Variants in OTUD7A observed in about 807,000 individuals in gnomAD.
OTUD7A encodes the protein OTU domain-containing protein 7A.
In OTUD7A, 12 loss-of-function variants were observed where a neutral mutation model predicts 65.7. The ratio of observed to expected loss-of-function variants is 0.18; its 90% confidence interval spans 0.12 to 0.30. The LOEUF (loss-of-function observed/expected upper bound fraction) is 0.30, where lower values mean the gene tolerates loss of function less well. Ranked by LOEUF, OTUD7A falls within the 10% of genes least tolerant of loss-of-function variation. The pLI is 1.00. For missense variants in OTUD7A, 1,148 were observed against 1,304.8 expected, an observed-to-expected ratio of 0.88 and a Z score of 1.85; for synonymous variants, 641 against 586.3, an observed-to-expected ratio of 1.09 and a Z score of -1.35.
chr15:31,666,413 T>C (rs1222064653), intron 1 of OTUD7A, among the ~76,000 whole-genome samples: 3 of 152,310 alleles, frequency 2.0e-5, no homozygotes, highest in Admixed American at 6.5e-5. Context: ...TGTAAAGGTG[T>C]TCATAGTAGC....
intron 1 of OTUD7A, among the ~76,000 whole-genome samples, chr15:31,866,140 C>T (rs1375108906): frequency 2.6e-5 from 4 of 152,212 alleles, no homozygotes; most frequent in African/African-American, 9.6e-5. Flanking sequence ...ATGTGAGATG[C>T]TGTAGAGCAG....
At chr15:31,524,922 A>G in intron 8 of OTUD7A, among the ~76,000 whole-genome samples, 1 of 152,218 alleles carries the variant, frequency 6.6e-6, no homozygotes, top group East Asian at 1.9e-4. Context: ...GCAGCAGGGT[A>G]CCAGACTGTG....
chr15:31,755,366 A>G (rs1027624265), intron 1 of OTUD7A, among the ~76,000 whole-genome samples: 1 of 152,158 alleles, frequency 6.6e-6, no homozygotes, highest in African/African-American at 2.4e-5. Context: ...TTTCCTGTCC[A>G]TTAGTATCAG....
At chr15:31,802,246 A>C (rs2140950216) in intron 1 of OTUD7A, among the ~76,000 whole-genome samples, 1 of 152,066 alleles carries the variant, frequency 6.6e-6, no homozygotes, top group African/African-American at 2.4e-5. Context: ...AGCCATTCTG[A>C]GTCCCAAAAC....
At chr15:31,661,540 T>C (rs1445487578) in intron 1 of OTUD7A, among the ~76,000 whole-genome samples, 2 of 152,258 alleles carry the variant, frequency 1.3e-5, no homozygotes, top group Non-Finnish European at 2.9e-5. Flanking sequence ...AATGTACCCA[T>C]GCCTCAGGCA....
chr15:31,588,221 A>AATACAGAGG (rs1280075754), intron 3 of OTUD7A, among the ~76,000 whole-genome samples: 10 of 152,224 alleles, frequency 6.6e-5, no homozygotes, highest in African/African-American at 2.4e-4. Flanking sequence ...TCCATACAAC[A>AATACAGAGG]ATACAGAGGA....
intron 1 of OTUD7A, chr15:31,767,857 C>A: frequency 9.3e-7 from 1 of 1,078,518 alleles, no homozygotes; most frequent in South Asian, 1.3e-5. Context: ...ATTCTGGATG[C>A]CTTCGTGGTA....
chr15:31,672,095 C>T (rs1283238371), intron 1 of OTUD7A, among the ~76,000 whole-genome samples: 2 of 152,040 alleles, frequency 1.3e-5, no homozygotes, highest in Non-Finnish European at 1.5e-5. Context: ...TATGTGTAAT[C>T]GTTGTCAGGC....
At chr15:31,842,802 G>A (rs1032767352) in intron 1 of OTUD7A, among the ~76,000 whole-genome samples, 1 of 152,130 alleles carries the variant, frequency 6.6e-6, no homozygotes, top group Admixed American at 6.5e-5. Flanking sequence ...TTAAGCCATA[G>A]TAGAACAGAA....
chr15:31,689,794 T>C (rs1327715908), intron 1 of OTUD7A, among the ~76,000 whole-genome samples: 1 of 152,160 alleles, frequency 6.6e-6, no homozygotes, highest in Non-Finnish European at 1.5e-5. Flanking sequence ...TCAGAGCCCC[T>C]AGAAGCTGAT....
chr15:31,843,807 G>C (rs541503424), intron 1 of OTUD7A, among the ~76,000 whole-genome samples: 2 of 152,284 alleles, frequency 1.3e-5, no homozygotes, highest in African/African-American at 4.8e-5. Flanking sequence ...CCTGTGGGCA[G>C]GTTCCAAGCC....
chr15:31,740,887 C>T (rs762265542), intron 1 of OTUD7A, among the ~76,000 whole-genome samples: 3 of 152,162 alleles, frequency 2.0e-5, no homozygotes, highest in East Asian at 3.9e-4. Context: ...ACTGGTGTAG[C>T]GACATTAATA....
intron 1 of OTUD7A, among the ~76,000 whole-genome samples, chr15:31,803,932 C>T (rs999947191): frequency 1.3e-5 from 2 of 152,182 alleles, no homozygotes; most frequent in South Asian, 2.1e-4. Flanking sequence ...AAGCTTCCTT[C>T]CCCATGGTTT....
chr15:31,562,360 G>C (rs898341916), intron 4 of OTUD7A, among the ~76,000 whole-genome samples: 1 of 152,232 alleles, frequency 6.6e-6, no homozygotes, highest in Non-Finnish European at 1.5e-5. Context: ...CTTCAGGCCA[G>C]GGACCAGGCA....
intron 1 of OTUD7A, among the ~76,000 whole-genome samples, chr15:31,850,302 T>C (rs1190223323): frequency 1.3e-5 from 2 of 151,902 alleles, no homozygotes; most frequent in Non-Finnish European, 2.9e-5. Context: ...GAGCAAACTA[T>C]TGCAAGGACA....
chr15:31,835,550 C>G (rs541443814), intron 1 of OTUD7A, among the ~76,000 whole-genome samples: 2 of 152,220 alleles, frequency 1.3e-5, no homozygotes, highest in East Asian at 3.9e-4. Flanking sequence ...ACAAGAAATG[C>G]AAGTATGCTG....
chr15:31,588,348 C>T (rs1032096572), intron 3 of OTUD7A, among the ~76,000 whole-genome samples: 3 of 152,130 alleles, frequency 2.0e-5, no homozygotes, highest in African/African-American at 7.2e-5. Context: ...ACTACAGGTG[C>T]AGACATGCAT....
At chr15:31,580,593 T>C (rs369690619) in intron 3 of OTUD7A, among the ~76,000 whole-genome samples, 4 of 152,274 alleles carry the variant, frequency 2.6e-5, no homozygotes, top group South Asian at 4.1e-4. Flanking sequence ...TGACTCACAG[T>C]TACACATGGC....
At chr15:31,607,049 TAAGA>T (rs991061832) in intron 3 of OTUD7A, among the ~76,000 whole-genome samples, 1 of 152,096 alleles carries the variant, frequency 6.6e-6, no homozygotes, top group Non-Finnish European at 1.5e-5. Context: ...TGGCAAAATA[TAAGA>T]AAGAGATCTG....
Sources: allele counts gnomAD v4.1 joint callset (sites outside exome capture counted in the v4.1 genomes callset), GRCh38; gene constraint gnomAD v4.1.1; transcripts MANE v1.5; gene names NCBI Gene and HGNC (gene_info 2026-07-23, HGNC 2026-07-21).